The following TNNI3K variants were observed in gnomAD, a reference collection of about 807,000 sequenced individuals.
TNNI3K encodes the protein serine/threonine-protein kinase TNNI3K.
TNNI3K carries 140 observed loss-of-function variants against 114.5 expected under a neutral mutation model. The ratio of observed to expected loss-of-function variants is 1.22; its 90% CI spans 1.07 to 1.41. The LOEUF (loss-of-function observed/expected upper bound fraction) is 1.41, where lower values mean the gene tolerates loss of function less well. Ranked by LOEUF, TNNI3K falls within the 40% of genes most tolerant of loss-of-function variation. The probability of loss-of-function intolerance (pLI) is 0.00; values close to 1 mark genes in which losing one functional copy is unlikely to be tolerated. For missense variants in TNNI3K, 1,125 were observed against 1,007.6 expected, an observed-to-expected ratio of 1.12 and a Z score of -1.58; for synonymous variants, 347 against 347.5, an observed-to-expected ratio of 1.00 and a Z score of 0.02.
intron 21 of TNNI3K, among the ~76,000 whole-genome samples, chr1:74,482,404 A>G (rs1668549201): frequency 6.6e-6 from 1 of 152,232 alleles, no homozygotes; most frequent in Non-Finnish European, 1.5e-5. Context: ...GGAAAAATAA[A>G]TGTAGTGAAG....
rs770632550 is a variant in TNNI3K at position 74,235,528 on chromosome 1, A to G, written c.40+37A>G. ...AATTATTCTTATTTCCTTAAGTGTA[A>G]TATGGTTCAATTATAGTTACTGATA... On this transcript the variant is annotated intron_variant, in intron 1 of 24. Coordinates refer to ENST00000326637, the MANE Select transcript of TNNI3K (RefSeq NM_015978.3). 3.5e-6 allele frequency: 4 copies of G among 1,152,910 alleles called. No homozygotes were observed. The South Asian group carries it at 5.5e-5, about 16-fold the overall frequency. The allele number at this position is 1,152,910 out of a possible 1,614,324, so 71.4% of individuals were successfully genotyped here.
intron 9 of TNNI3K, among the ~76,000 whole-genome samples, chr1:74,349,383 T>C (rs548743473): frequency 9.5e-4 from 145 of 152,324 alleles, no homozygotes; most frequent in African/African-American, 3.3e-3. Context: ...CAGTATTTTA[T>C]TGAGGATTTT....
At chr1:74,410,592 C>G (rs1000293851) in intron 17 of TNNI3K, among the ~76,000 whole-genome samples, 4 of 152,184 alleles carry the variant, frequency 2.6e-5, no homozygotes, top group Non-Finnish European at 5.9e-5. Flanking sequence ...CAGACCTTGT[C>G]TAATATTTCT....
chr1:74,396,330 T>A (rs1368986383), intron 17 of TNNI3K, among the ~76,000 whole-genome samples: 2 of 152,210 alleles, frequency 1.3e-5, no homozygotes, highest in East Asian at 1.9e-4. Context: ...AAACAGCAGA[T>A]GTCTAACAGG....
intron 20 of TNNI3K, among the ~76,000 whole-genome samples, chr1:74,446,045 G>A (rs1356396009): frequency 1.3e-5 from 2 of 151,862 alleles, no homozygotes; most frequent in Non-Finnish European, 2.9e-5. Flanking sequence ...AGTCATTTGG[G>A]TATATACCCA....
chr1:74,346,972 T>G (rs1320327639), intron 9 of TNNI3K, among the ~76,000 whole-genome samples: 1 of 151,788 alleles, frequency 6.6e-6, no homozygotes, highest in Non-Finnish European at 1.5e-5. Context: ...CCATTTTAAA[T>G]TAAATACCTA....
intron 23 of TNNI3K, among the ~76,000 whole-genome samples, chr1:74,538,670 A>G (rs1409476815): frequency 6.6e-6 from 1 of 152,208 alleles, no homozygotes; most frequent in Non-Finnish European, 1.5e-5. Context: ...CTCCTCTGCC[A>G]TTCAGGCCTG....
intron 23 of TNNI3K, among the ~76,000 whole-genome samples, chr1:74,506,789 T>C (rs2100362401): frequency 6.6e-6 from 1 of 152,332 alleles, no homozygotes; most frequent in Non-Finnish European, 1.5e-5. Context: ...CTTATCTCTT[T>C]CTAGATTTTT....
chr1:74,355,895 A>C (rs796224397), intron 11 of TNNI3K, among the ~76,000 whole-genome samples: 60 of 152,296 alleles, frequency 3.9e-4, no homozygotes, highest in Middle Eastern at 3.4e-3. Flanking sequence ...TTTTATTTGA[A>C]TATTGTATAA....
At chr1:74,464,914 T>C (rs1321396265) in intron 21 of TNNI3K, 3 of 1,284,042 alleles carry the variant, frequency 2.3e-6, no homozygotes, top group Non-Finnish European at 3.0e-6. Flanking sequence ...AGTAAATGAA[T>C]GAATACCAGT....
intron 5 of TNNI3K, among the ~76,000 whole-genome samples, chr1:74,304,550 C>A (rs918777112): frequency 6.6e-6 from 1 of 152,166 alleles, no homozygotes. Flanking sequence ...TCACATGAAC[C>A]TCCTCACTCA....
intron 23 of TNNI3K, among the ~76,000 whole-genome samples, chr1:74,522,582 T>C (rs1646448535): frequency 6.6e-6 from 1 of 152,012 alleles, no homozygotes; most frequent in East Asian, 1.9e-4. Context: ...GAATCTGTCT[T>C]TTTCCTGCAT....
At chr1:74,498,354 G>C (rs17095449) in intron 23 of TNNI3K, among the ~76,000 whole-genome samples, 16,071 of 152,072 alleles carry the variant, frequency 0.11, 2,267 homozygotes, top group African/African-American at 0.33. Flanking sequence ...ACCCCATCTC[G>C]ATTCATGCCT....
chr1:74,498,140 T>C (rs1265590535), intron 23 of TNNI3K, among the ~76,000 whole-genome samples: 1 of 152,248 alleles, frequency 6.6e-6, no homozygotes, highest in Non-Finnish European at 1.5e-5. Context: ...ATAGCATTCT[T>C]GGAGAGGAAA....
At position 74,343,086 on chromosome 1, in the gene TNNI3K, A is replaced by C. The variant is rs752154654; in HGVS notation, c.839A>C (p.Asn280Thr). ...GDTPLHLACY[N>T]GKFEVAKEII... ...TTCTTCAAATCTAGGGCATGCTACA[A>C]TGGCAAATTTGAAGTTGCCAAGGAA... Residue 280 changes from asparagine (N) to threonine (T), a missense_variant, in exon 9 of 25, where the codon AAT becomes ACT. Asn to Thr is a moderately conservative substitution (Grantham distance 65). Transcript: ENST00000326637. 2 of 1,613,492 alleles carry C rather than the reference A, an allele frequency of 1.2e-6. No individual in the cohort carries two copies. Among genetic ancestry groups the C allele is most frequent in the Non-Finnish European group, 1.7e-6 (2 of 1,179,810 alleles).
intron 5 of TNNI3K, among the ~76,000 whole-genome samples, chr1:74,322,882 A>G (rs966301708): frequency 1.3e-5 from 2 of 152,144 alleles, no homozygotes; most frequent in East Asian, 1.9e-4. Flanking sequence ...TTACTCACTG[A>G]TTACCTGTTT....
chr1:74,402,207 A>G (rs1664400249), intron 17 of TNNI3K, among the ~76,000 whole-genome samples: 1 of 152,132 alleles, frequency 6.6e-6, no homozygotes, highest in South Asian at 2.1e-4. Flanking sequence ...TTTGAAAAGG[A>G]TGGAATGGGG....
At chr1:74,380,577 C>G (rs1663152403) in intron 17 of TNNI3K, among the ~76,000 whole-genome samples, 1 of 152,150 alleles carries the variant, frequency 6.6e-6, no homozygotes, top group Non-Finnish European at 1.5e-5. Context: ...GGTGAACTCA[C>G]TGGCCTGCAA....
At chr1:74,235,518 C>T (rs1188468838) in intron 1 of TNNI3K, 27 bp downstream of exon 1, 5 of 1,266,594 alleles carry the variant, frequency 3.9e-6, no homozygotes, top group Middle Eastern at 3.7e-4. Flanking sequence ...TTCTTATTTC[C>T]TTAAGTGTAA....
Sources: allele counts gnomAD v4.1 joint callset (sites outside exome capture counted in the v4.1 genomes callset), GRCh38; gene constraint gnomAD v4.1.1; transcripts MANE v1.5; gene names NCBI Gene and HGNC (gene_info 2026-07-23, HGNC 2026-07-21).